CALML4: variants seen among roughly 807,000 people sequenced by gnomAD.
CALML4 encodes calmodulin like 4.
A neutral mutation model predicts 17.9 loss-of-function variants in CALML4; 16 were observed. That is an observed-to-expected ratio of 0.89 (90% CI 0.61 to 1.36). CALML4 has a LOEUF of 1.36. CALML4 is among the 40% of genes most tolerant of loss of function. CALML4 has a pLI of 0.00. For synonymous variants in CALML4, 86 were observed against 71.5 expected, an observed-to-expected ratio of 1.20 and a Z score of -1.02; for missense variants, 203 against 194.8, an observed-to-expected ratio of 1.04 and a Z score of -0.25.
In CALML4 at chr15:68,204,610, C is replaced by G. The variant is rs548482468; in HGVS notation, c.34+511G>C. Among the ~76,000 whole-genome samples, 15 of 152,252 alleles carry G rather than the reference C, an allele frequency of 9.9e-5. No individual in the cohort carries two copies. Among genetic ancestry groups the G allele is most frequent in the Admixed American group, 9.2e-4 (14 of 15,294 alleles). ...GTCGAGGGCTGGCAGAGTAGGGGAC[C>G]CAGGGAATAAAGTGCTCACGCCCAA... On this transcript the variant is annotated intron_variant, in intron 2 of 4. Transcript: ENST00000467889. This position sits in a 1 kb window ranked among gnomAD's most constrained non-coding sequence, Gnocchi z 6.0.
At chr15:68,195,396 C>G (rs1469980030) in intron 4 of CALML4, among the ~76,000 whole-genome samples, 2 of 152,170 alleles carry the variant, frequency 1.3e-5, no homozygotes, top group African/African-American at 2.4e-5. Flanking sequence ...CAGTATAATT[C>G]ATCTCATTTT....
At position 68,190,841 on chromosome 15, in the gene CALML4, C is replaced by G. The variant is rs893127227; in HGVS notation, c.*3174G>C. 1.3e-5 allele frequency: 2 copies of G among 151,996 alleles called. No individual in the cohort carries two copies. Among genetic ancestry groups the G allele is most frequent in the African/African-American group, 4.8e-5 (2 of 41,410 alleles). 9.4% of individuals were successfully genotyped at this position (151,996 alleles called of 1,614,324 possible). Reference sequence around the variant, plus strand: ...AAAATTGCTTTACTAATTATTTAGACATGATCACAATTCTGTATCTTTACT... The same window carrying G: ...AAAATTGCTTTACTAATTATTTAGAGATGATCACAATTCTGTATCTTTACT... On this transcript the variant is annotated 3_prime_UTR_variant, in exon 5 of 5. Coordinates refer to ENST00000467889, the MANE Select transcript of CALML4 (RefSeq NM_033429.3). This position sits in a 1 kb window ranked among gnomAD's most constrained non-coding sequence, Gnocchi z 4.7.
rs2093158018 is a variant in CALML4 at position 68,199,540 on chromosome 15, C to T, written c.175+1G>A. ...TCCCCGTTGTTCCCACCACCACTCACCTATCCCGTGGGTCTGCAGGTGCCG... is the reference window on the plus strand; with the variant it reads ...TCCCCGTTGTTCCCACCACCACTCATCTATCCCGTGGGTCTGCAGGTGCCG... On this transcript the variant is annotated splice_donor_variant, in intron 3 of 4. Transcript: ENST00000467889. LOFTEE classifies it high-confidence loss of function. 2 of 1,612,644 alleles carry T rather than the reference C, an allele frequency of 1.2e-6. No individual in the cohort carries two copies. The highest frequency in any genetic ancestry group is 1.3e-5 in the African/African-American group (1 of 74,856).
chr15:68,196,699 G>A (rs536869778), intron 4 of CALML4, among the ~76,000 whole-genome samples: 6 of 152,278 alleles, frequency 3.9e-5, no homozygotes, highest in Admixed American at 6.5e-5. Context: ...TGGCCTTGGC[G>A]TGGGGATCCC....
At position 68,194,314 on chromosome 15, in the gene CALML4, C is replaced by T. The variant is rs373173032; in HGVS notation, c.365-202G>A. 2.2e-4 allele frequency among the ~76,000 whole-genome samples: 33 copies of T among 151,948 alleles called. No individual in the cohort carries two copies. In the East Asian group the frequency reaches 4.6e-3, roughly 21 times the overall value. ...GACCCTTATTCCATTTTGAGCTAAT[C>T]GGGCTTTCTGCAGGGGCAGGGAGTA... On this transcript the variant is annotated intron_variant, in intron 4 of 4. Coordinates refer to ENST00000467889, the MANE Select transcript of CALML4 (RefSeq NM_033429.3).
At chr15:68,194,264 G>T in intron 4 of CALML4, 152 bp from the exon 5 acceptor site, 1 of 619,038 alleles carries the variant, frequency 1.6e-6, no homozygotes, top group Non-Finnish European at 2.9e-6. Context: ...GAACAGAAAG[G>T]GACAACCCAT....
intron 4 of CALML4, among the ~76,000 whole-genome samples, chr15:68,194,836 C>G (rs2093136383): frequency 6.6e-6 from 1 of 151,924 alleles, no homozygotes; most frequent in African/African-American, 2.4e-5. Flanking sequence ...CTGCTCCTCA[C>G]TTGCCTGCCT....
In CALML4 at chr15:68,193,077, C is replaced by G. The variant is rs187350334; in HGVS notation, c.*938G>C. 4.6e-5 allele frequency: 7 copies of G among 152,386 alleles called. No homozygotes were observed. In the East Asian group the frequency reaches 1.4e-3, roughly 29 times the overall value. 9.4% of individuals were successfully genotyped at this position (152,386 alleles called of 1,614,324 possible). ...CAGGGCTGTTGTACCCTGGCCATTG[C>G]TGGTTACATCCCCTTATTTCTCTCC... On this transcript the variant is annotated 3_prime_UTR_variant, in exon 5 of 5. Coordinates refer to ENST00000467889, the MANE Select transcript of CALML4 (RefSeq NM_033429.3).
rs954459907 is a variant in CALML4, at chr15:68,191,293, T to A, written c.*2722A>T. ...TCTCTCTTAGAATTTCCATACCGCATGCCAAACCAGTAAAATGGCTTTTAA... is the reference window on the plus strand; with the variant it reads ...TCTCTCTTAGAATTTCCATACCGCAAGCCAAACCAGTAAAATGGCTTTTAA... On this transcript the variant is annotated 3_prime_UTR_variant, in exon 5 of 5. Coordinates refer to ENST00000467889, the MANE Select transcript of CALML4 (RefSeq NM_033429.3). The A allele has an allele frequency of 1.3e-5, 2 of 152,672 alleles. No individual in the cohort carries two copies. The highest frequency in any genetic ancestry group is 4.8e-5 in the African/African-American group (2 of 41,476). The allele number at this position is 152,672 out of a possible 1,614,324, so 9.5% of individuals were successfully genotyped here.
chr15:68,202,292 G>A (rs997322359), intron 2 of CALML4, among the ~76,000 whole-genome samples: 1 of 152,156 alleles, frequency 6.6e-6, no homozygotes, highest in African/African-American at 2.4e-5. Flanking sequence ...ATACAGAAAT[G>A]TACACTATTC....
rs747416028 is a variant in CALML4, at chr15:68,197,535, A to G, written c.269T>C (p.Met90Thr). 60 of 1,613,936 alleles carry G rather than the reference A, an allele frequency of 3.7e-5. No homozygotes were observed. Among genetic ancestry groups the G allele is most frequent in the Non-Finnish European group, 4.3e-5 (51 of 1,180,012 alleles). The change falls in exon 4 of 5, where the codon ATG becomes ACG. Residue 90 changes from methionine to threonine, a missense_variant. Coordinates refer to ENST00000467889, the MANE Select transcript of CALML4 (RefSeq NM_033429.3). The surrounding 1 kb of genome is among the most constrained non-coding windows in gnomAD (Gnocchi z 4.1). ...TTTCTTCTCCTTGTCCACCATCAACATGGCTAGAAGAATTTCTTTCTTTGG... is the reference window on the plus strand; with the variant it reads ...TTTCTTCTCCTTGTCCACCATCAACGTGGCTAGAAGAATTTCTTTCTTTGG... ...EDPKKEILLA[M>T]LMVDKEKKGY... is the part of the protein sequence containing the mutation.
chr15:68,205,148 T>C lies in CALML4; in HGVS notation c.7A>G (p.Lys3Glu). Residue 3 changes from lysine (K) to glutamate (E), a missense_variant, in exon 2 of 5, where the codon AAG becomes GAG. By Grantham distance (56) the Lys-to-Glu change is moderately conservative (BLOSUM62 1). Transcript: ENST00000467889. The surrounding 1 kb of genome is among the most constrained non-coding windows in gnomAD (Gnocchi z 4.8). ...TTAATTTGGTCTTGGGAAAGAAACT[T>C]GGCCTGCAGCAGAGAAAGGAAAACA... Reference protein sequence around the residue: MAKFLSQDQINEY... With the variant: MAEFLSQDQINEY... 1 of 1,614,062 alleles carries C rather than the reference T, an allele frequency of 6.2e-7. No homozygotes were observed. Among genetic ancestry groups the C allele is most frequent in the Non-Finnish European group, 8.5e-7 (1 of 1,180,024 alleles).
At chr15:68,195,716 G>T (rs2093141510) in intron 4 of CALML4, among the ~76,000 whole-genome samples, 1 of 152,214 alleles carries the variant, frequency 6.6e-6, no homozygotes, top group African/African-American at 2.4e-5. Context: ...GATTCCTGCT[G>T]CTGGTATCAT....
chr15:68,201,947 A>G (rs149228672), intron 2 of CALML4, among the ~76,000 whole-genome samples: 33 of 152,162 alleles, frequency 2.2e-4, no homozygotes, highest in African/African-American at 5.1e-4. Context: ...ACTAGCACAT[A>G]TATTTCACCA....
rs138579541 is a variant in CALML4 at position 68,197,080 on chromosome 15, G to A, written c.364+360C>T. The stretch of plus-strand genomic sequence containing the variant: ...CACTCCCCCTGCTTCTTTATCAGTA[G>A]GAGCAGGCATTTGTGCTCCCAGGGG... On this transcript the variant is annotated intron_variant, in intron 4 of 4. Transcript: ENST00000467889. This position sits in a 1 kb window ranked among gnomAD's most constrained non-coding sequence, Gnocchi z 4.1. 5.9e-5 allele frequency among the ~76,000 whole-genome samples: 9 copies of A among 152,302 alleles called. No homozygotes were observed. In the Middle Eastern group the frequency reaches 0.01, roughly 173 times the overall value.
In CALML4 at chr15:68,194,057, A is replaced by G; in HGVS notation, c.420T>C (p.Asp140=). Residue 140 remains aspartate, a synonymous_variant, in exon 5 of 5, where the codon GAT becomes GAC. Transcript: ENST00000467889. The part of the protein sequence containing the change: ...DIEPNGKVKY[D]EFIHKITLPG... ...GAAGGGTGATCTTGTGGATAAATTC[A>G]TCATACTTCACTTTGCCATTGGGTT... is the stretch of plus-strand genomic sequence containing the variant. 1.9e-6 allele frequency: 3 copies of G among 1,614,132 alleles called. No individual in the cohort carries two copies. The highest frequency in any genetic ancestry group is 2.5e-6 in the Non-Finnish European group (3 of 1,179,984).
Position 68,199,617 on chromosome 15 carries a change from G to A in CALML4, c.99C>T (p.Leu33=). ...QQRGKIKATD[L]MVAMRCLGAS... ...CCCCCAGGCACCTCATGGCCACCATGAGGTCGGTGGCTTTTATCTTCCCCC... is the reference window on the plus strand; with the variant it reads ...CCCCCAGGCACCTCATGGCCACCATAAGGTCGGTGGCTTTTATCTTCCCCC... Residue 33 remains leucine (L), a synonymous_variant, in exon 3 of 5, where the codon CTC becomes CTT. Transcript: ENST00000467889. 2 of 1,613,634 alleles carry A rather than the reference G, an allele frequency of 1.2e-6. No homozygotes were observed. The highest frequency in any genetic ancestry group is 1.7e-6 in the Non-Finnish European group (2 of 1,179,930).
chr15:68,205,542 T>G, upstream of CALML4: 1 of 803,818 alleles, frequency 1.2e-6, no homozygotes, highest in Non-Finnish European at 1.9e-6. The surrounding 1 kb of genome is among the most constrained non-coding windows in gnomAD (Gnocchi z 4.8). Context: ...CAAATGCCAG[T>G]GTTTCTTCCC....
chr15:68,193,231 C>G lies in CALML4; in HGVS notation c.*784G>C, dbSNP rs980086983. On this transcript the variant is annotated 3_prime_UTR_variant, in exon 5 of 5. Transcript: ENST00000467889. ...GAATTCTCACAGCATTGGAAGCCCC[C>G]TTCTTGAGCTCTGCAAGGCCAGTCA... is the stretch of plus-strand genomic sequence containing the variant. 2 of 152,340 alleles carry G rather than the reference C, an allele frequency of 1.3e-5. No individual in the cohort carries two copies. Among genetic ancestry groups the G allele is most frequent in the African/African-American group, 4.8e-5 (2 of 41,456 alleles). The allele number at this position is 152,340 out of a possible 1,614,324, so 9.4% of individuals were successfully genotyped here.
Sources: allele counts gnomAD v4.1 joint callset (sites outside exome capture counted in the v4.1 genomes callset), GRCh38; gene constraint gnomAD v4.1.1; non-coding constraint Gnocchi (gnomAD v3.1); transcripts MANE v1.5; gene names NCBI Gene and HGNC (gene_info 2026-07-23, HGNC 2026-07-21).